SLC39A11: variants seen among roughly 807,000 people sequenced by gnomAD.
SLC39A11 encodes solute carrier family 39 member 11.
SLC39A11 carries 33 observed loss-of-function variants against 36.1 expected under a neutral mutation model. That is an observed-to-expected ratio of 0.91 (90% confidence interval 0.69 to 1.22). The LOEUF (loss-of-function observed/expected upper bound fraction) is 1.22, where lower values mean the gene tolerates loss of function less well. Ranked by LOEUF, SLC39A11 falls within the 50% of genes most tolerant of loss-of-function variation. SLC39A11 has a pLI of 0.00. For synonymous variants in SLC39A11, 166 were observed against 170.3 expected (o/e 0.97, Z 0.20); for missense variants, 432 against 430.3 (o/e 1.00, Z -0.03).
intron 5 of SLC39A11, among the ~76,000 whole-genome samples, chr17:72,941,373 G>T (rs2085088542): frequency 6.6e-6 from 1 of 152,166 alleles, no homozygotes; most frequent in Non-Finnish European, 1.5e-5. Flanking sequence ...CCAACTATTA[G>T]TCTTGGACTT....
intron 5 of SLC39A11, among the ~76,000 whole-genome samples, chr17:72,945,043 A>AGGTG (rs1555644857): frequency 1.3e-5 from 2 of 150,944 alleles, no homozygotes; most frequent in African/African-American, 4.9e-5. Flanking sequence ...AGCTAATTGG[A>AGGTG]GATGGATGGA....
At chr17:73,017,836 A>C (rs188661989) in intron 4 of SLC39A11, among the ~76,000 whole-genome samples, 19 of 152,360 alleles carry the variant, frequency 1.2e-4, no homozygotes, top group Admixed American at 1.2e-3. Flanking sequence ...AGAAATATGC[A>C]AAGGGATATC....
chr17:72,954,816 G>A (rs2086129473), intron 4 of SLC39A11, among the ~76,000 whole-genome samples: 1 of 152,198 alleles, frequency 6.6e-6, no homozygotes, highest in Non-Finnish European at 1.5e-5. Flanking sequence ...CCGGTGATGA[G>A]CAGCCAGCTA....
chr17:72,948,465 T>C lies in SLC39A11; in HGVS notation c.307-590A>G, dbSNP rs1459818421. ...TTCCTGATCTATCAAAAGAAGTCCA[T>C]ATGGCAGGTTCACGTGAATGGCAGT... On this transcript the variant is annotated intron_variant, in intron 4 of 9. Transcript: ENST00000255559. Among the ~76,000 whole-genome samples, 3 of 152,260 alleles carry C rather than the reference T, an allele frequency of 2.0e-5. No individual in the cohort carries two copies. In the East Asian group the frequency reaches 5.8e-4, roughly 29 times the overall value.
intron 7 of SLC39A11, among the ~76,000 whole-genome samples, chr17:72,696,062 T>C (rs2072281127): frequency 6.6e-6 from 1 of 152,166 alleles, no homozygotes; most frequent in Admixed American, 6.5e-5. Flanking sequence ...CAGACCCCGC[T>C]ATGGGGCAAA....
At chr17:72,897,631 A>T (rs917573032) in intron 5 of SLC39A11, among the ~76,000 whole-genome samples, 1 of 152,168 alleles carries the variant, frequency 6.6e-6, no homozygotes, top group Non-Finnish European at 1.5e-5. Flanking sequence ...TGATGTCAGG[A>T]TCCTTGTGAG....
chr17:73,081,666 C>CATATATGT (rs1568242856), intron 3 of SLC39A11, among the ~76,000 whole-genome samples: 1 of 78,484 alleles, frequency 1.3e-5, no homozygotes, highest in Non-Finnish European at 2.5e-5. Context: ...CACACACACA[C>CATATATGT]ACACATATAT....
chr17:72,981,280 A>G (rs2088279897), intron 4 of SLC39A11, among the ~76,000 whole-genome samples: 1 of 152,156 alleles, frequency 6.6e-6, no homozygotes, highest in Non-Finnish European at 1.5e-5. Context: ...CTCAATCTGG[A>G]CTAGTCACAC....
chr17:72,911,089 A>G (rs1203325988), intron 5 of SLC39A11, among the ~76,000 whole-genome samples: 1 of 152,186 alleles, frequency 6.6e-6, no homozygotes, highest in African/African-American at 2.4e-5. Flanking sequence ...AACAAGTAAC[A>G]GAGTAATCAC....
chr17:72,669,035 A>G (rs2070878179), intron 7 of SLC39A11, among the ~76,000 whole-genome samples: 2 of 152,386 alleles, frequency 1.3e-5, no homozygotes, highest in African/African-American at 4.8e-5. Flanking sequence ...TCCATAAAGG[A>G]CATTGGGAAT....
chr17:73,010,534 A>G (rs911538278), intron 4 of SLC39A11, among the ~76,000 whole-genome samples: 2 of 152,156 alleles, frequency 1.3e-5, no homozygotes. Context: ...CGTACCATGG[A>G]CACCATCAGT....
intron 7 of SLC39A11, among the ~76,000 whole-genome samples, chr17:72,652,582 G>A (rs768532042): frequency 2.0e-5 from 3 of 152,142 alleles, no homozygotes; most frequent in African/African-American, 4.8e-5. Flanking sequence ...AGGTTGCAGC[G>A]TGAAATAACA....
intron 6 of SLC39A11, among the ~76,000 whole-genome samples, chr17:72,756,648 T>C (rs1431135950): frequency 6.6e-6 from 1 of 152,206 alleles, no homozygotes; most frequent in East Asian, 1.9e-4. Context: ...TGGATACTGC[T>C]TAATAGGTAT....
At chr17:72,875,034 T>A (rs2080823404) in intron 5 of SLC39A11, among the ~76,000 whole-genome samples, 1 of 151,824 alleles carries the variant, frequency 6.6e-6, no homozygotes, top group Admixed American at 6.6e-5. Flanking sequence ...GGCAAATATA[T>A]CTCAAACACA....
intron 5 of SLC39A11, among the ~76,000 whole-genome samples, chr17:72,920,670 A>C (rs2083608151): frequency 8.3e-6 from 1 of 120,352 alleles, no homozygotes; most frequent in African/African-American, 3.4e-5. Context: ...CCTATACACA[A>C]ACACACTTCT....
At chr17:72,871,224 G>T (rs2080608046) in intron 5 of SLC39A11, among the ~76,000 whole-genome samples, 1 of 151,868 alleles carries the variant, frequency 6.6e-6, no homozygotes, top group African/African-American at 2.4e-5. Context: ...ACAATGCCCG[G>T]CTAATTTTTT....
At chr17:73,000,352 C>G (rs1245101957) in intron 4 of SLC39A11, among the ~76,000 whole-genome samples, 1 of 151,702 alleles carries the variant, frequency 6.6e-6, no homozygotes, top group Non-Finnish European at 1.5e-5. Context: ...CTCTCTCTGC[C>G]TCCTCCTCAT....
At chr17:72,929,276 G>T (rs1423101870) in intron 5 of SLC39A11, among the ~76,000 whole-genome samples, 2 of 152,140 alleles carry the variant, frequency 1.3e-5, no homozygotes, top group Non-Finnish European at 2.9e-5. Flanking sequence ...TTGACGGGGG[G>T]TACTACAGGC....
At chr17:72,964,520 CAAAG>C (rs1291626601) in intron 4 of SLC39A11, among the ~76,000 whole-genome samples, 1 of 152,074 alleles carries the variant, frequency 6.6e-6, no homozygotes, top group East Asian at 1.9e-4. Context: ...TGTTTAAAAA[CAAAG>C]GAAGAAGGAA....
Sources: allele counts gnomAD v4.1 joint callset (sites outside exome capture counted in the v4.1 genomes callset), GRCh38; gene constraint gnomAD v4.1.1; transcripts MANE v1.5; gene names NCBI Gene and HGNC (gene_info 2026-07-23, HGNC 2026-07-21).